The following PXDNL variants were observed in gnomAD, a reference collection of about 807,000 sequenced individuals.
PXDNL encodes probable oxidoreductase PXDNL.
Under a neutral mutation model 150.8 loss-of-function variants are expected in PXDNL, and 145 were observed. That is an observed-to-expected ratio of 0.96 (90% CI 0.84 to 1.10). The LOEUF is 1.10. Ranked by LOEUF, PXDNL falls within the 50% of genes least tolerant of loss-of-function variation. The pLI is 0.00. For missense variants in PXDNL, 2,087 were observed against 1,873.9 expected, an observed-to-expected ratio of 1.11 and a Z score of -2.10; for synonymous variants, 757 against 725.7, an observed-to-expected ratio of 1.04 and a Z score of -0.69.
chr8:51,454,212 G>A (rs1809877171), intron 9 of PXDNL, among the ~76,000 whole-genome samples: 1 of 152,190 alleles, frequency 6.6e-6, no homozygotes, highest in Non-Finnish European at 1.5e-5. Flanking sequence ...AATTCGGGCA[G>A]GAATGCCTTT....
intron 19 of PXDNL, among the ~76,000 whole-genome samples, chr8:51,370,028 C>T (rs992522623): frequency 6.6e-6 from 1 of 152,202 alleles, no homozygotes; most frequent in Non-Finnish European, 1.5e-5. Flanking sequence ...ACACGTGCTA[C>T]CAGGTGGCGG....
At chr8:51,553,740 T>TTATATATATATATATATATATATATATA (rs747698313) in intron 4 of PXDNL, among the ~76,000 whole-genome samples, 2 of 112,948 alleles carry the variant, frequency 1.8e-5, no homozygotes, top group African/African-American at 8.2e-5. Context: ...GTGAGGGATT[T>TTATATATATATATATATATATATATATA]TATATATATA....
intron 14 of PXDNL, among the ~76,000 whole-genome samples, chr8:51,422,722 CT>C (rs912679058): frequency 3.3e-5 from 5 of 152,220 alleles, no homozygotes; most frequent in African/African-American, 9.6e-5. Context: ...TTTATTTCAA[CT>C]GTGGATTGTC....
At chr8:51,333,936 A>G (rs1805766997) in intron 21 of PXDNL, among the ~76,000 whole-genome samples, 1 of 152,188 alleles carries the variant, frequency 6.6e-6, no homozygotes, top group South Asian at 2.1e-4. Flanking sequence ...ACAAGGAAAT[A>G]ATGGATCTAA....
At chr8:51,543,612 T>C (rs1812273222) in intron 4 of PXDNL, among the ~76,000 whole-genome samples, 2 of 148,482 alleles carry the variant, frequency 1.3e-5, no homozygotes, top group Non-Finnish European at 1.5e-5. Context: ...CTTGGGAGGC[T>C]GAGGGAGAAG....
At chr8:51,393,113 A>G (rs1420334823) in intron 17 of PXDNL, among the ~76,000 whole-genome samples, 2 of 152,194 alleles carry the variant, frequency 1.3e-5, no homozygotes. Context: ...AATGAAAAGG[A>G]AAGAATTGCT....
At chr8:51,494,748 C>T (rs925541949) in intron 5 of PXDNL, among the ~76,000 whole-genome samples, 4 of 151,958 alleles carry the variant, frequency 2.6e-5, no homozygotes, top group Admixed American at 6.6e-5. Context: ...AATATATATG[C>T]ACCCAATACA....
chr8:51,340,653 A>G (rs1016017316), intron 20 of PXDNL, among the ~76,000 whole-genome samples: 23 of 152,220 alleles, frequency 1.5e-4, no homozygotes, highest in African/African-American at 5.1e-4. Context: ...CATAGTATAG[A>G]GTTTACATTA....
At chr8:51,717,325 TG>T (rs1479375818) in intron 1 of PXDNL, among the ~76,000 whole-genome samples, 1 of 152,056 alleles carries the variant, frequency 6.6e-6, no homozygotes, top group Non-Finnish European at 1.5e-5. Context: ...GGAGCAGGTG[TG>T]AGGAATGAAG....
chr8:51,420,111 T>C (rs1041123527), intron 14 of PXDNL, among the ~76,000 whole-genome samples: 2 of 152,214 alleles, frequency 1.3e-5, no homozygotes, highest in Non-Finnish European at 2.9e-5. Flanking sequence ...TGTGCATTAC[T>C]TTCTATGGCT....
chr8:51,598,866 C>G (rs540818760), intron 2 of PXDNL, among the ~76,000 whole-genome samples: 1 of 151,526 alleles, frequency 6.6e-6, no homozygotes, highest in Non-Finnish European at 1.5e-5. Flanking sequence ...CCATTTGGTA[C>G]AAGGCTTATT....
Position 51,654,677 on chromosome 8 carries a change from A to G in PXDNL, c.236+12T>C, listed in dbSNP as rs1368826046. ...ATTTTAGGAACCTTACAGATAAGCA[A>G]TAAGTACTCACAGTGTGTTCAAATT... On this transcript the variant is annotated intron_variant, in intron 2 of 22. Coordinates refer to ENST00000356297, the MANE Select transcript of PXDNL (RefSeq NM_144651.5). 1 of 1,604,290 alleles carries G rather than the reference A, an allele frequency of 6.2e-7. No homozygotes were observed. The highest frequency in any genetic ancestry group is 8.5e-7 in the Non-Finnish European group (1 of 1,171,820).
chr8:51,374,534 T>C, intron 18 of PXDNL, 63 bp downstream of exon 18: 2 of 1,515,522 alleles, frequency 1.3e-6, no homozygotes, highest in Non-Finnish European at 1.8e-6. Context: ...ATGTTAAACA[T>C]ATACATTTTG....
intron 3 of PXDNL, among the ~76,000 whole-genome samples, chr8:51,557,326 G>T (rs1812620419): frequency 6.6e-6 from 1 of 152,114 alleles, no homozygotes; most frequent in Non-Finnish European, 1.5e-5. Context: ...GGGGATAAAA[G>T]CATCTTAGAG....
intron 12 of PXDNL, among the ~76,000 whole-genome samples, chr8:51,444,897 C>A (rs953576460): frequency 2.8e-5 from 4 of 145,078 alleles, no homozygotes; most frequent in Non-Finnish European, 5.9e-5. Context: ...TTTAGGTTAA[C>A]AAATATTATT....
At chr8:51,381,819 A>AT (rs755101852) in intron 17 of PXDNL, among the ~76,000 whole-genome samples, 5,553 of 146,128 alleles carry the variant, frequency 0.038, 92 homozygotes, top group African/African-American at 0.048. Flanking sequence ...CGCCCAGCTA[A>AT]TTTTTTTTTT....
intron 1 of PXDNL, among the ~76,000 whole-genome samples, chr8:51,691,113 T>G (rs942054069): frequency 2.0e-5 from 3 of 152,132 alleles, no homozygotes; most frequent in African/African-American, 4.8e-5. Context: ...CTCCCATTTT[T>G]TAGGTTGCCT....
intron 9 of PXDNL, among the ~76,000 whole-genome samples, chr8:51,455,545 G>C (rs1259881088): frequency 1.3e-5 from 2 of 152,126 alleles, no homozygotes; most frequent in Non-Finnish European, 2.9e-5. Context: ...TAGGGCACGG[G>C]GGACTAGAGA....
At chr8:51,804,292 A>G (rs2037652422) in intron 1 of PXDNL, among the ~76,000 whole-genome samples, 1 of 152,178 alleles carries the variant, frequency 6.6e-6, no homozygotes, top group Admixed American at 6.5e-5. Flanking sequence ...GGATACAGAT[A>G]TATCTCAGTG....
Sources: gnomAD v4.1 joint callset for allele counts (sites outside exome capture counted in the v4.1 genomes callset) on GRCh38, gnomAD v4.1.1 for gene constraint, MANE v1.5 for transcripts, NCBI Gene and HGNC (gene_info 2026-07-23, HGNC 2026-07-21) for gene names.